ETV6: variants seen among roughly 807,000 people sequenced by gnomAD.
ETV6 encodes ETS variant transcription factor 6, also known as transcription factor ETV6.
A neutral mutation model predicts 51.1 loss-of-function variants in ETV6; 16 were observed. The observed-to-expected ratio is 0.31, with a 90% CI of 0.21 to 0.48. ETV6 has a LOEUF of 0.48. Ranked by LOEUF, ETV6 falls within the 20% of genes least tolerant of loss-of-function variation. The pLI is 0.99. For missense variants in ETV6, 458 were observed against 594.8 expected (o/e 0.77, Z 2.39); for synonymous variants, 240 against 224.1 (o/e 1.07, Z -0.64).
chr12:11,703,475 T>TAA, intron 1 of ETV6, among the ~76,000 whole-genome samples: 1 of 145,200 alleles, frequency 6.9e-6, no homozygotes, highest in Non-Finnish European at 1.5e-5. Flanking sequence ...TCTTCAATAT[T>TAA]AAAAAAAAAA....
At chr12:11,727,907 C>A (rs531921526) in intron 1 of ETV6, among the ~76,000 whole-genome samples, 3 of 152,292 alleles carry the variant, frequency 2.0e-5, no homozygotes, top group Admixed American at 2.0e-4. Context: ...CCACCCTCTA[C>A]CTCCCGGGCT....
chr12:11,822,935 G>T (rs888733787), intron 2 of ETV6, among the ~76,000 whole-genome samples: 1 of 152,154 alleles, frequency 6.6e-6, no homozygotes, highest in African/African-American at 2.4e-5. Flanking sequence ...AAGTTTCCAA[G>T]GGCTGCATTA....
intron 2 of ETV6, among the ~76,000 whole-genome samples, chr12:11,804,036 CT>C (rs1293991666): frequency 2.6e-5 from 4 of 152,142 alleles, no homozygotes; most frequent in African/African-American, 9.7e-5. Flanking sequence ...GGATCAGGAA[CT>C]TTGGACTCTT....
chr12:11,855,393 G>A (rs1444169595), intron 4 of ETV6, among the ~76,000 whole-genome samples: 1 of 152,106 alleles, frequency 6.6e-6, no homozygotes, highest in South Asian at 2.1e-4. Context: ...GTGATGGATC[G>A]TGCCTCTGAG....
chr12:11,828,893 CTT>C (rs1946200524), intron 2 of ETV6, among the ~76,000 whole-genome samples: 1 of 152,172 alleles, frequency 6.6e-6, no homozygotes. Context: ...CGTTACATGA[CTT>C]AATCTTGATT....
At chr12:11,825,466 T>G (rs191316502) in intron 2 of ETV6, among the ~76,000 whole-genome samples, 93 of 152,370 alleles carry the variant, frequency 6.1e-4, no homozygotes, top group South Asian at 1.0e-3. Flanking sequence ...AGCTTTCGCC[T>G]GCATCGCTCC....
At chr12:11,767,255 A>G (rs1480802059) in intron 2 of ETV6, among the ~76,000 whole-genome samples, 2 of 152,242 alleles carry the variant, frequency 1.3e-5, no homozygotes, top group Non-Finnish European at 2.9e-5. Context: ...GGGTACAGTC[A>G]TACCTTTTTC....
intron 1 of ETV6, chr12:11,751,390 T>C (rs564709108): frequency 3.9e-6 from 2 of 518,980 alleles, no homozygotes; most frequent in Non-Finnish European, 7.7e-6. Context: ...TTCCACCATA[T>C]TTTTGGATGT....
At chr12:11,766,764 G>C (rs1591659274) in intron 2 of ETV6, among the ~76,000 whole-genome samples, 1 of 152,070 alleles carries the variant, frequency 6.6e-6, no homozygotes, top group Non-Finnish European at 1.5e-5. Flanking sequence ...CAGCAATGGG[G>C]TGGGGGCGGG....
rs139336111 is a variant in ETV6, at chr12:11,690,572, C to T, written c.33+40412C>T. Among the ~76,000 whole-genome samples, 228 of 152,020 alleles carry T rather than the reference C, an allele frequency of 1.5e-3. 1 individual carries two copies. Among genetic ancestry groups the T allele is most frequent in the African/African-American group, 5.1e-3 (210 of 41,432 alleles). On this transcript the variant is annotated intron_variant, in intron 1 of 7. Coordinates refer to ENST00000396373, the MANE Select transcript of ETV6 (RefSeq NM_001987.5). ...TACCACCGCACCCTAGCCAGGACAACGGAGCAAGACTCTGTCTCTAAAAAA... is the reference window on the plus strand; with the variant it reads ...TACCACCGCACCCTAGCCAGGACAATGGAGCAAGACTCTGTCTCTAAAAAA...
chr12:11,671,887 G>A (rs1864323772), intron 1 of ETV6, among the ~76,000 whole-genome samples: 1 of 151,562 alleles, frequency 6.6e-6, no homozygotes, highest in Admixed American at 6.6e-5. Flanking sequence ...AACTCAACCA[G>A]GTGAACTGAG....
intron 3 of ETV6, among the ~76,000 whole-genome samples, chr12:11,849,913 C>T (rs1007313716): frequency 3.9e-5 from 6 of 152,268 alleles, no homozygotes; most frequent in African/African-American, 1.4e-4. Flanking sequence ...AAGTGGTCCC[C>T]GTCCGCATGG....
chr12:11,789,349 T>C (rs1945545385), intron 2 of ETV6, among the ~76,000 whole-genome samples: 1 of 152,178 alleles, frequency 6.6e-6, no homozygotes, highest in African/African-American at 2.4e-5. Flanking sequence ...AATGTCCTTC[T>C]TACTTGGTTT....
At chr12:11,806,824 C>A (rs1945836445) in intron 2 of ETV6, among the ~76,000 whole-genome samples, 1 of 152,232 alleles carries the variant, frequency 6.6e-6, no homozygotes, top group Admixed American at 6.5e-5. Context: ...AGTCCTCACA[C>A]CTTTGCCGGA....
At chr12:11,692,838 C>A (rs1359672083) in intron 1 of ETV6, among the ~76,000 whole-genome samples, 2 of 151,996 alleles carry the variant, frequency 1.3e-5, no homozygotes, top group Non-Finnish European at 2.9e-5. Flanking sequence ...TTGCCTGAGC[C>A]CAGGAGTTCA....
chr12:11,675,572 G>T (rs997973201), intron 1 of ETV6, among the ~76,000 whole-genome samples: 2 of 152,110 alleles, frequency 1.3e-5, no homozygotes, highest in East Asian at 3.8e-4. Context: ...AACATTTTAG[G>T]AGGCCAAGGC....
chr12:11,841,100 C>T (rs1226707476), intron 3 of ETV6, among the ~76,000 whole-genome samples: 2 of 152,186 alleles, frequency 1.3e-5, no homozygotes, highest in African/African-American at 4.8e-5. Flanking sequence ...TAAATTTCCC[C>T]TTCATCCTAT....
At chr12:11,885,790 G>A (rs1338285676) in intron 6 of ETV6, 136 bp from the exon 7 acceptor site, 11 of 623,664 alleles carry the variant, frequency 1.8e-5, no homozygotes, top group African/African-American at 1.9e-5. Flanking sequence ...CGATTAGCAG[G>A]TAGCTTCCCA....
chr12:11,719,974 G>A lies in ETV6; in HGVS notation c.34-32476G>A, dbSNP rs116215801. On this transcript the variant is annotated intron_variant, in intron 1 of 7. Transcript: ENST00000396373. ...CCGGGAAGGAAAGGCATCTTTTACC[G>A]CCCCCTCTCCCACCGTGGCCTCAGG... Among the ~76,000 whole-genome samples, 815 of 152,250 alleles carry A rather than the reference G, an allele frequency of 5.4e-3. 5 individuals carry two copies. The highest frequency in any genetic ancestry group is 0.019 in the African/African-American group (778 of 41,546).
Sources: allele counts gnomAD v4.1 joint callset (sites outside exome capture counted in the v4.1 genomes callset), GRCh38; gene constraint gnomAD v4.1.1; transcripts MANE v1.5; gene names NCBI Gene and HGNC (gene_info 2026-07-23, HGNC 2026-07-21).